Variants in PARVB observed in about 807,000 individuals in gnomAD.
PARVB encodes beta-parvin.
A neutral mutation model predicts 47.0 loss-of-function variants in PARVB; 46 were observed. The observed-to-expected ratio is 0.98, with a 90% confidence interval of 0.77 to 1.25. The LOEUF (loss-of-function observed/expected upper bound fraction) is 1.25. Ranked by LOEUF, PARVB falls within the 50% of genes most tolerant of loss-of-function variation. The probability of loss-of-function intolerance (pLI) is 0.00; values close to 1 mark genes in which losing one functional copy is unlikely to be tolerated. For missense variants in PARVB, 473 were observed against 471.6 expected (o/e 1.00, Z -0.03); for synonymous variants, 196 against 196.3 (o/e 1.00, Z 0.01).
At chr22:44,007,293 G>A (rs1439378359) in intron 2 of PARVB, among the ~76,000 whole-genome samples, 2 of 152,152 alleles carry the variant, frequency 1.3e-5, no homozygotes, top group Non-Finnish European at 2.9e-5. Context: ...GGGGGGAGTG[G>A]AGTCTCCTCC....
upstream of PARVB, among the ~76,000 whole-genome samples, chr22:44,022,555 C>G (rs1244861885): frequency 1.3e-5 from 2 of 151,946 alleles, no homozygotes; most frequent in Non-Finnish European, 2.9e-5. Context: ...ACCAACTTGA[C>G]CAACAGAAAC....
intron 5 of PARVB, 127 bp from the exon 6 acceptor site, chr22:44,132,767 C>A: frequency 1.6e-6 from 1 of 614,792 alleles, no homozygotes. Context: ...GATTTGTCCA[C>A]ACTTCGCTCC....
intron 2 of PARVB, among the ~76,000 whole-genome samples, chr22:44,008,967 C>T (rs1015307388): frequency 1.5e-4 from 23 of 152,002 alleles, no homozygotes; most frequent in Non-Finnish European, 2.4e-4. Context: ...CCAGCCTGGG[C>T]GACAGAACGA....
At chr22:44,001,320 C>CGA (rs2050411219) in intron 2 of PARVB, among the ~76,000 whole-genome samples, 1 of 152,194 alleles carries the variant, frequency 6.6e-6, no homozygotes, top group African/African-American at 2.4e-5. Flanking sequence ...TCAGGAAAAT[C>CGA]TAAGTACAGA....
chr22:44,081,661 C>T (rs538482857), intron 1 of PARVB: 53 of 981,146 alleles, frequency 5.4e-5, no homozygotes, highest in Non-Finnish European at 5.7e-5. Flanking sequence ...TCATGGGGCT[C>T]GTCTGTTGCT....
intron 2 of PARVB, among the ~76,000 whole-genome samples, chr22:44,014,849 C>A (rs929993505): frequency 2.5e-5 from 3 of 121,388 alleles, no homozygotes; most frequent in African/African-American, 7.8e-5. Flanking sequence ...ACAACAGACA[C>A]AACAATTTTT....
chr22:44,044,978 C>G (rs2051089532), intron 1 of PARVB, among the ~76,000 whole-genome samples: 2 of 152,154 alleles, frequency 1.3e-5, no homozygotes, highest in South Asian at 4.1e-4. Flanking sequence ...ACGTGCTGTC[C>G]AGGCAATCTC....
intron 2 of PARVB, among the ~76,000 whole-genome samples, chr22:44,005,589 T>G (rs1018137529): frequency 1.2e-4 from 19 of 152,040 alleles, no homozygotes; most frequent in Non-Finnish European, 2.8e-4. Context: ...TAAGGCTGAT[T>G]TGCACTGATT....
At chr22:44,148,562 A>T (rs1022891391) in intron 9 of PARVB, 2 of 159,792 alleles carry the variant, frequency 1.3e-5, no homozygotes, top group Non-Finnish European at 2.8e-5. Context: ...CCTCCTTCCC[A>T]TAACATCGGA....
At chr22:44,037,424 A>AAAAAAC (rs1375143786) in intron 1 of PARVB, among the ~76,000 whole-genome samples, 2 of 152,306 alleles carry the variant, frequency 1.3e-5, no homozygotes, top group East Asian at 1.9e-4. Flanking sequence ...CCCTGTCTCA[A>AAAAAAC]AAAAACAAAA....
At chr22:44,035,346 C>T (rs576106508) in intron 1 of PARVB, among the ~76,000 whole-genome samples, 11 of 151,002 alleles carry the variant, frequency 7.3e-5, no homozygotes, top group African/African-American at 2.2e-4. Context: ...TGGAATGTCA[C>T]GCTTTTCTTC....
intron 1 of PARVB, among the ~76,000 whole-genome samples, chr22:44,093,115 C>T (rs1457506668): frequency 6.6e-6 from 1 of 152,198 alleles, no homozygotes; most frequent in Non-Finnish European, 1.5e-5. Context: ...GCAGCAGAGG[C>T]TGAGGCTGTG....
chr22:44,162,170 C>G (rs1465636454), intron 11 of PARVB, among the ~76,000 whole-genome samples: 1 of 152,240 alleles, frequency 6.6e-6, no homozygotes, highest in Non-Finnish European at 1.5e-5. Flanking sequence ...GCACCCCACA[C>G]TGTTTTCCAG....
intron 1 of PARVB, among the ~76,000 whole-genome samples, chr22:44,062,729 A>G (rs1209137257): frequency 2.0e-5 from 3 of 152,020 alleles, no homozygotes; most frequent in Admixed American, 2.0e-4. Flanking sequence ...TGAGCAGAAC[A>G]GGAGGAGGCA....
chr22:44,126,594 T>C (rs1050031419), intron 4 of PARVB, among the ~76,000 whole-genome samples: 15 of 152,160 alleles, frequency 9.9e-5, no homozygotes, highest in Admixed American at 7.2e-4. Flanking sequence ...GAGTGGCTGG[T>C]TATGGTAGAG....
At chr22:44,129,469 A>G (rs2053263304) in intron 4 of PARVB, among the ~76,000 whole-genome samples, 1 of 152,088 alleles carries the variant, frequency 6.6e-6, no homozygotes, top group Non-Finnish European at 1.5e-5. Flanking sequence ...GCGGGGCCGG[A>G]TGGTGGCAGG....
intron 9 of PARVB, chr22:44,150,470 G>A (rs1226354297): frequency 2.0e-5 from 3 of 152,022 alleles, no homozygotes; most frequent in African/African-American, 7.3e-5. Context: ...TCTGGAGTTC[G>A]AGACCAGCCT....
At chr22:44,022,668 C>T (rs1307909267), upstream of PARVB, among the ~76,000 whole-genome samples, 2 of 152,272 alleles carry the variant, frequency 1.3e-5, no homozygotes, top group African/African-American at 2.4e-5. Context: ...CCCCAGGTGC[C>T]GTCCTCTGCT....
chr22:44,087,737 T>C (rs1212949228), intron 1 of PARVB, among the ~76,000 whole-genome samples: 1 of 151,982 alleles, frequency 6.6e-6, no homozygotes, highest in Non-Finnish European at 1.5e-5. Flanking sequence ...GATGGAACTT[T>C]CGCATTTGGC....
Sources: allele counts gnomAD v4.1 joint callset (sites outside exome capture counted in the v4.1 genomes callset), GRCh38; gene constraint gnomAD v4.1.1; transcripts MANE v1.5; gene names NCBI Gene and HGNC (gene_info 2026-07-23, HGNC 2026-07-21).